The following USP31 variants were observed in gnomAD, a reference collection of about 807,000 sequenced individuals.
USP31 encodes ubiquitin specific peptidase 31.
A neutral mutation model predicts 119.4 loss-of-function variants in USP31; 44 were observed. The ratio of observed to expected loss-of-function variants is 0.37; its 90% CI spans 0.29 to 0.47. The LOEUF (loss-of-function observed/expected upper bound fraction) is 0.47. Ranked by LOEUF, USP31 falls within the 20% of genes least tolerant of loss-of-function variation. The pLI is 0.99. For missense variants in USP31, 1,643 were observed against 1,730.2 expected, an observed-to-expected ratio of 0.95 and a Z score of 0.89; for synonymous variants, 749 against 705.6, an observed-to-expected ratio of 1.06 and a Z score of -0.97.
chr16:23,078,253 A>G (rs947190672), intron 13 of USP31, among the ~76,000 whole-genome samples: 1 of 149,564 alleles, frequency 6.7e-6, no homozygotes, highest in African/African-American at 2.5e-5. Flanking sequence ...CGGAGGTTAC[A>G]GTGAGCCTAG....
At chr16:23,132,767 A>G (rs1278147302) in intron 1 of USP31, among the ~76,000 whole-genome samples, 2 of 152,206 alleles carry the variant, frequency 1.3e-5, no homozygotes, top group African/African-American at 2.4e-5. Flanking sequence ...CAAATACTGT[A>G]TGACCCAACC....
At chr16:23,137,042 A>G (rs1475176119) in intron 1 of USP31, among the ~76,000 whole-genome samples, 1 of 152,148 alleles carries the variant, frequency 6.6e-6, no homozygotes, top group Non-Finnish European at 1.5e-5. Context: ...GTAAAACCCC[A>G]TCTCTACAAA....
chr16:23,123,439 G>A (rs1902743536), intron 1 of USP31, among the ~76,000 whole-genome samples: 1 of 152,116 alleles, frequency 6.6e-6, no homozygotes, highest in Non-Finnish European at 1.5e-5. Context: ...TCATGAGGCT[G>A]AAGCAGGAGA....
chr16:23,145,709 G>A (rs764803233), intron 1 of USP31, among the ~76,000 whole-genome samples: 3 of 152,182 alleles, frequency 2.0e-5, no homozygotes, highest in Non-Finnish European at 4.4e-5. Context: ...TACAGAAATG[G>A]TCTGAATCCT....
intron 14 of USP31, among the ~76,000 whole-genome samples, chr16:23,073,069 G>C (rs1316093823): frequency 6.6e-6 from 1 of 152,078 alleles, no homozygotes; most frequent in East Asian, 1.9e-4. Flanking sequence ...TCTGCATTCA[G>C]AAACGTGTGT....
chr16:23,072,022 T>G, intron 15 of USP31, 23 bp downstream of exon 15: 8 of 1,597,728 alleles, frequency 5.0e-6, no homozygotes, highest in Non-Finnish European at 6.8e-6. Flanking sequence ...TTCTGGAAAT[T>G]TGTCACCAAA....
chr16:23,074,769 G>A (rs1447597529), intron 13 of USP31, among the ~76,000 whole-genome samples: 1 of 152,190 alleles, frequency 6.6e-6, no homozygotes, highest in Non-Finnish European at 1.5e-5. Flanking sequence ...GAACATTCAA[G>A]TAGCAGCAAA....
chr16:23,146,170 G>A (rs1021007300), intron 1 of USP31, among the ~76,000 whole-genome samples: 3 of 146,564 alleles, frequency 2.0e-5, no homozygotes, highest in African/African-American at 7.6e-5. Context: ...ACTAGGCTCT[G>A]ACCTCGAAAA....
chr16:23,112,918 C>T (rs1426671779), intron 1 of USP31, among the ~76,000 whole-genome samples: 2 of 151,702 alleles, frequency 1.3e-5, no homozygotes, highest in African/African-American at 2.4e-5. Context: ...GTCCCAGCTA[C>T]TCGAGAGGCT....
At position 23,149,049 on chromosome 16, in the gene USP31, C is replaced by A. The variant is rs931360695; in HGVS notation, c.222G>T (p.Thr74=). Residue 74 remains threonine, a synonymous_variant, in exon 1 of 16, where the codon ACG becomes ACT. Transcript: ENST00000219689. ...FMSRVLKTLS[T]LSHLSSEGAA... ...CGCCCTCAGAGCTAAGGTGCGAGAG[C>A]GTGGACAGCGTCTTGAGAACGCGGC... is the stretch of plus-strand genomic sequence containing the variant. 8.0e-7 allele frequency: 1 copy of A among 1,248,788 alleles called. No homozygotes were observed. Among genetic ancestry groups the A allele is most frequent in the Non-Finnish European group, 1.0e-6 (1 of 970,978 alleles). The allele number at this position is 1,248,788 out of a possible 1,614,324, so 77.4% of individuals were successfully genotyped here.
chr16:23,123,610 TA>T (rs1388349003), intron 1 of USP31, among the ~76,000 whole-genome samples: 2 of 152,188 alleles, frequency 1.3e-5, no homozygotes, highest in African/African-American at 4.8e-5. Context: ...TAAAGTTTCT[TA>T]ATTTAGTCAG....
At position 23,072,851 on chromosome 16, in the gene USP31, G is replaced by A. The variant is rs80238326; in HGVS notation, c.2336-654C>T. On this transcript the variant is annotated intron_variant, in intron 14 of 15. Transcript: ENST00000219689. ...CATCTGAGACTGGTGGAAGAGCACT[G>A]GAGTTCCCGCTGTGTTAACTGAGTG... Among the ~76,000 whole-genome samples the A allele has an allele frequency of 1.7e-3, 252 of 152,116 alleles. 4 individuals are homozygous for A. Among genetic ancestry groups the A allele is most frequent in the East Asian group, 3.9e-3 (20 of 5,162 alleles).
intron 2 of USP31, among the ~76,000 whole-genome samples, chr16:23,106,955 A>G (rs1003384338): frequency 6.6e-6 from 1 of 152,116 alleles, no homozygotes; most frequent in African/African-American, 2.4e-5. Context: ...TCTGCTAAAA[A>G]TACAAAATTA....
chr16:23,064,237 A>G lies in USP31; in HGVS notation c.*3809T>C, dbSNP rs191448440. Reference sequence around the variant, plus strand: ...ATTATAATAACCTACATTGGAAACAATCACTTCGGCTGTTCAGTAATTTGT... The same window carrying G: ...ATTATAATAACCTACATTGGAAACAGTCACTTCGGCTGTTCAGTAATTTGT... On this transcript the variant is annotated 3_prime_UTR_variant, in exon 16 of 16. Coordinates refer to ENST00000219689, the MANE Select transcript of USP31 (RefSeq NM_020718.4). The G allele has an allele frequency of 6.2e-4, 95 of 152,780 alleles. No homozygotes were observed. The highest frequency in any genetic ancestry group is 2.1e-3 in the African/African-American group (86 of 41,596). 9.5% of individuals were successfully genotyped at this position (152,780 alleles called of 1,614,324 possible). A position where few individuals can be genotyped will look rare whatever the true frequency, so the allele number is the denominator to read the frequency against.
intron 1 of USP31, among the ~76,000 whole-genome samples, chr16:23,128,856 T>C (rs1902945179): frequency 6.6e-6 from 1 of 152,186 alleles, no homozygotes; most frequent in Non-Finnish European, 1.5e-5. Context: ...ACTACCATTT[T>C]ACAGGAAATA....
At chr16:23,086,479 G>C (rs1260119040) in intron 9 of USP31, among the ~76,000 whole-genome samples, 1 of 152,096 alleles carries the variant, frequency 6.6e-6, no homozygotes, top group Non-Finnish European at 1.5e-5. Context: ...TAGCAGAGTA[G>C]AGTGACTAAT....
intron 2 of USP31, 37 bp from the exon 3 acceptor site, chr16:23,106,524 A>G (rs1363980269): frequency 1.9e-6 from 3 of 1,557,734 alleles, no homozygotes; most frequent in East Asian, 2.2e-5. Context: ...ACAGACTAGA[A>G]AGACCAATTC....
chr16:23,083,109 C>T (rs1202094704), intron 11 of USP31, among the ~76,000 whole-genome samples: 1 of 152,130 alleles, frequency 6.6e-6, no homozygotes, highest in Non-Finnish European at 1.5e-5. Flanking sequence ...GGATTACAAG[C>T]GTGAGCCACT....
In USP31 at chr16:23,144,708, T is replaced by C. The variant is rs1323807671; in HGVS notation, c.633+3930A>G. On this transcript the variant is annotated intron_variant, in intron 1 of 15. Transcript: ENST00000219689. ...TGTTGTCCAGGCTGGTCTGGAACTA[T>C]TGGTCTCAAGTGATCCACCCACCTT... Among the ~76,000 whole-genome samples the C allele has an allele frequency of 2.6e-5, 4 of 152,096 alleles. No homozygotes were observed. In the East Asian group the frequency reaches 5.8e-4, roughly 22 times the overall value.
Sources: allele counts gnomAD v4.1 joint callset (sites outside exome capture counted in the v4.1 genomes callset), GRCh38; gene constraint gnomAD v4.1.1; transcripts MANE v1.5; gene names NCBI Gene and HGNC (gene_info 2026-07-23, HGNC 2026-07-21).